ANKRD30B: variants seen among roughly 807,000 people sequenced by gnomAD.
ANKRD30B encodes the protein ankyrin repeat domain-containing protein 30B.
Under a neutral mutation model 202.2 loss-of-function variants are expected in ANKRD30B, and 144 were observed. The observed-to-expected ratio is 0.71, with a 90% confidence interval of 0.62 to 0.82. The LOEUF (loss-of-function observed/expected upper bound fraction) is 0.82, where lower values mean the gene tolerates loss of function less well. ANKRD30B is among the 40% of genes least tolerant of loss of function. The probability of loss-of-function intolerance (pLI) is 0.00; values close to 1 mark genes in which losing one functional copy is unlikely to be tolerated. For synonymous variants in ANKRD30B, 508 were observed against 561.3 expected, an observed-to-expected ratio of 0.91 and a Z score of 1.34; for missense variants, 1,487 against 1,669.1, an observed-to-expected ratio of 0.89 and a Z score of 1.90.
intron 14 of ANKRD30B, among the ~76,000 whole-genome samples, 176 bp downstream of exon 14, chr18:14,784,711 A>G (rs1056009686): frequency 2.6e-5 from 4 of 151,216 alleles, no homozygotes; most frequent in African/African-American, 9.8e-5. Flanking sequence ...GTAATTTTCA[A>G]TATATTTTTT....
the ANKRD30B span, among the ~76,000 whole-genome samples, chr18:14,881,665 CTTCTTTGAATGAAAGAAGACA>C: frequency 5.9e-5 from 9 of 151,734 alleles, 1 homozygote; most frequent in South Asian, 6.3e-4. Flanking sequence ...GGTATCATTT[CTTCTTTGAATGAAAGAAGACA>C]TTCTTTGAAT....
At chr18:14,892,599 G>A in the ANKRD30B span, among the ~76,000 whole-genome samples, 1 of 151,932 alleles carries the variant, frequency 6.6e-6, no homozygotes, top group Non-Finnish European at 1.5e-5. Flanking sequence ...AATTATCCGG[G>A]TGTGGTGGTG....
In ANKRD30B at chr18:14,749,006, G is replaced by A. The variant is rs530314059; in HGVS notation, c.221+366G>A. Among the ~76,000 whole-genome samples, 203 of 152,354 alleles carry A rather than the reference G, an allele frequency of 1.3e-3. 1 individual carries two copies. The highest frequency in any genetic ancestry group is 4.5e-3 in the African/African-American group (186 of 41,578). On this transcript the variant is annotated intron_variant, in intron 1 of 43. Transcript: ENST00000690538. The stretch of plus-strand genomic sequence containing the variant: ...TACTTTTAATGTACAGGTTTTAAAA[G>A]ATAATGTTAGATACACTATGAAATG...
chr18:14,815,474 G>A (rs535483822), intron 30 of ANKRD30B, among the ~76,000 whole-genome samples: 2 of 152,276 alleles, frequency 1.3e-5, no homozygotes, highest in African/African-American at 4.8e-5. Context: ...GTAGCAAGAG[G>A]AGAGGCCTTT....
chr18:14,926,626 T>A, the ANKRD30B span, among the ~76,000 whole-genome samples: 1 of 152,218 alleles, frequency 6.6e-6, no homozygotes, highest in Non-Finnish European at 1.5e-5. Flanking sequence ...AATTTTAACA[T>A]TTTATATTTG....
chr18:14,907,472 C>A, the ANKRD30B span, among the ~76,000 whole-genome samples: 2 of 152,118 alleles, frequency 1.3e-5, no homozygotes, highest in African/African-American at 4.8e-5. Flanking sequence ...ATGTCCCACC[C>A]GGGCCTGGAG....
the ANKRD30B span, among the ~76,000 whole-genome samples, chr18:14,939,271 T>TAC: frequency 6.6e-6 from 1 of 152,164 alleles, no homozygotes; most frequent in African/African-American, 2.4e-5. Flanking sequence ...GCCCTAGGAT[T>TAC]ACAGGACCTG....
chr18:14,833,444 T>G (rs1215734046), intron 34 of ANKRD30B, among the ~76,000 whole-genome samples: 1 of 152,148 alleles, frequency 6.6e-6, no homozygotes, highest in African/African-American at 2.4e-5. Context: ...GAGAGGGGGT[T>G]TCATCGTGTT....
chr18:14,846,637 T>C, intron 39 of ANKRD30B, among the ~76,000 whole-genome samples: 1 of 152,114 alleles, frequency 6.6e-6, no homozygotes, highest in East Asian at 1.9e-4. Context: ...AGGACTGTTA[T>C]GTTTTCTTGA....
At position 14,798,976 on chromosome 18, in the gene ANKRD30B, C is replaced by G. The variant is rs557824295; in HGVS notation, c.2030-125C>G. 684 of 1,047,786 alleles carry G rather than the reference C, an allele frequency of 6.5e-4. 4 individuals carry two copies. Among genetic ancestry groups the G allele is most frequent in the Non-Finnish European group, 9.2e-4 (621 of 675,848 alleles). The allele number at this position is 1,047,786 out of a possible 1,614,324, so 64.9% of individuals were successfully genotyped here. On this transcript the variant is annotated intron_variant, in intron 20 of 43. Transcript: ENST00000690538. The stretch of plus-strand genomic sequence containing the variant: ...TACAATAACCCAAAAGACCCCAAAA[C>G]CTAGTGTAATCCCTTTTCAATCCAA...
At chr18:14,830,736 T>TTCA (rs906850072) in intron 33 of ANKRD30B, among the ~76,000 whole-genome samples, 12 of 152,182 alleles carry the variant, frequency 7.9e-5, no homozygotes, top group Non-Finnish European at 1.8e-4. Flanking sequence ...ACATTTTCAG[T>TTCA]TCATCATAGA....
the ANKRD30B span, among the ~76,000 whole-genome samples, chr18:14,870,233 G>A: frequency 8.1e-4 from 123 of 152,324 alleles, no homozygotes; most frequent in Non-Finnish European, 1.4e-3. Context: ...TTCTGCCATG[G>A]CCTCCCAAAG....
chr18:14,934,051 C>G, the ANKRD30B span, among the ~76,000 whole-genome samples: 1 of 152,222 alleles, frequency 6.6e-6, no homozygotes. Context: ...CTCTGGAGCC[C>G]TCTCTGCTTT....
At chr18:14,871,033 C>CCACACCCACACCCA in the ANKRD30B span, among the ~76,000 whole-genome samples, 1 of 110,706 alleles carries the variant, frequency 9.0e-6, no homozygotes, top group Non-Finnish European at 1.8e-5. Context: ...ACACCCTCAC[C>CCACACCCACACCCA]CACACCCCCA....
intron 15 of ANKRD30B, among the ~76,000 whole-genome samples, chr18:14,788,827 C>T (rs2143907751): frequency 6.6e-6 from 1 of 152,176 alleles, no homozygotes; most frequent in Admixed American, 6.5e-5. Flanking sequence ...CAAGTCTTTG[C>T]TATTGTGAAT....
downstream of ANKRD30B, among the ~76,000 whole-genome samples, chr18:14,855,882 C>T (rs1318777219): frequency 6.6e-6 from 1 of 150,754 alleles, no homozygotes; most frequent in Non-Finnish European, 1.5e-5. Flanking sequence ...GTGCTCCCCA[C>T]TTCCCAGACG....
downstream of ANKRD30B, among the ~76,000 whole-genome samples, chr18:14,854,817 G>A (rs1414040973): frequency 7.0e-6 from 1 of 143,224 alleles, no homozygotes; most frequent in Non-Finnish European, 1.5e-5. Flanking sequence ...GGTTAGCTAG[G>A]AGAAACTATC....
chr18:14,907,696 C>G, the ANKRD30B span, among the ~76,000 whole-genome samples: 1 of 152,200 alleles, frequency 6.6e-6, no homozygotes, highest in East Asian at 1.9e-4. Flanking sequence ...GCTGTTTGGA[C>G]AGAGAAGACA....
chr18:14,861,236 C>A, the ANKRD30B span, among the ~76,000 whole-genome samples: 4 of 152,252 alleles, frequency 2.6e-5, no homozygotes, highest in Non-Finnish European at 4.4e-5. Context: ...TACAAGGTAA[C>A]TAGCTAACAC....
Sources: gnomAD v4.1 joint callset for allele counts (sites outside exome capture counted in the v4.1 genomes callset) on GRCh38, gnomAD v4.1.1 for gene constraint, MANE v1.5 for transcripts, NCBI Gene and HGNC (gene_info 2026-07-23, HGNC 2026-07-21) for gene names.